USP43: variants seen among roughly 807,000 people sequenced by gnomAD.
The protein encoded by USP43 is ubiquitin specific peptidase 43, also known as ubiquitin carboxyl-terminal hydrolase 43.
Under a neutral mutation model 90.7 loss-of-function variants are expected in USP43, and 33 were observed. The observed-to-expected ratio is 0.36, with a 90% CI of 0.28 to 0.49. The LOEUF (loss-of-function observed/expected upper bound fraction) is 0.49, where lower values mean the gene tolerates loss of function less well. Ranked by LOEUF, USP43 falls within the 20% of genes least tolerant of loss-of-function variation. The probability of loss-of-function intolerance (pLI) is 0.98; values close to 1 mark genes in which losing one functional copy is unlikely to be tolerated. For synonymous variants in USP43, 598 were observed against 615.8 expected (o/e 0.97, Z 0.43); for missense variants, 1,274 against 1,476.4 (o/e 0.86, Z 2.25).
chr17:9,705,684 G>T (rs1191269048), intron 12 of USP43, among the ~76,000 whole-genome samples: 1 of 150,830 alleles, frequency 6.6e-6, no homozygotes, highest in Non-Finnish European at 1.5e-5. Flanking sequence ...GAACCCAGAG[G>T]TGGAGATTGC....
chr17:9,681,202 TATAATATATAC>T, intron 6 of USP43, among the ~76,000 whole-genome samples: 2 of 100,416 alleles, frequency 2.0e-5, no homozygotes, highest in East Asian at 3.6e-4. Context: ...ATATATACTA[TATAATATATAC>T]ATTATATAGA....
chr17:9,671,638 A>T (rs550957250), intron 3 of USP43, among the ~76,000 whole-genome samples: 1 of 152,326 alleles, frequency 6.6e-6, no homozygotes, highest in East Asian at 1.9e-4. Context: ...CTTTGTTAAC[A>T]GAAGCAATTT....
At position 9,728,722 on chromosome 17, in the gene USP43, A is replaced by T. The variant is rs749710746; in HGVS notation, c.3104A>T (p.Asp1035Val). ...AGTGGCGGGCTGAGCCCTGCCATGGACGGGCAGGCTCCAGGCTCACCTCCT... is the reference window on the plus strand; with the variant it reads ...AGTGGCGGGCTGAGCCCTGCCATGGTCGGGCAGGCTCCAGGCTCACCTCCT... ...LVSGGLSPAM[D>V]GQAPGSPPAL... The change falls in exon 15 of 15, where the codon GAC becomes GTC. Residue 1035 changes from aspartate (D) to valine (V), a missense_variant. Asp to Val is a radical substitution (Grantham distance 152). This residue lies in a region of USP43 where 353 missense variants were observed against 329.7 expected (regional missense o/e 1.07). Coordinates refer to ENST00000285199, the MANE Select transcript of USP43 (RefSeq NM_153210.5). This position sits in a 1 kb window ranked among gnomAD's most constrained non-coding sequence, Gnocchi z 6.2. 6 of 1,601,670 alleles carry T rather than the reference A, an allele frequency of 3.7e-6. No individual in the cohort carries two copies. The Admixed American group carries it at 1.0e-4, about 28-fold the overall frequency.
intron 14 of USP43, among the ~76,000 whole-genome samples, chr17:9,715,763 G>A (rs767718555): frequency 3.4e-5 from 5 of 145,106 alleles, no homozygotes; most frequent in African/African-American, 8.2e-5. Flanking sequence ...ATGTGTCTGC[G>A]TGTTTGTGTC....
intron 12 of USP43, among the ~76,000 whole-genome samples, chr17:9,708,214 G>C (rs1915997110): frequency 6.6e-6 from 1 of 152,200 alleles, no homozygotes; most frequent in Admixed American, 6.5e-5. Context: ...TGGAGAAGTG[G>C]GCAGGACACT....
chr17:9,688,797 C>G (rs1386442170), intron 8 of USP43, among the ~76,000 whole-genome samples: 1 of 152,200 alleles, frequency 6.6e-6, no homozygotes, highest in East Asian at 1.9e-4. Flanking sequence ...AGTGATCCTC[C>G]TGCCTCCGCC....
At position 9,712,075 on chromosome 17, in the gene USP43, C is replaced by T. The variant is rs374106462; in HGVS notation, c.2278C>T (p.Leu760=). 1.2e-6 allele frequency: 2 copies of T among 1,611,448 alleles called. No individual in the cohort carries two copies. The highest frequency in any genetic ancestry group is 2.2e-5 in the East Asian group (1 of 44,602). The change falls in exon 14 of 15, where the codon CTG becomes TTG. Residue 760 remains leucine, a synonymous_variant. Coordinates refer to ENST00000285199, the MANE Select transcript of USP43 (RefSeq NM_153210.5). ...CTGGAGCTCTGCCCCCTGCCCCTCC[C>T]TGCCCCAGGTTCCTGACTCTCCCAT... ...LSWSSAPCPS[L]PQVPDSPIFT...
At chr17:9,698,036 A>T (rs748857523) in intron 9 of USP43, among the ~76,000 whole-genome samples, 19 of 152,194 alleles carry the variant, frequency 1.2e-4, no homozygotes, top group Non-Finnish European at 4.4e-5. Context: ...CCATCTGCTG[A>T]TGTGAGATGG....
At chr17:9,659,820 G>T (rs1256828010) in intron 2 of USP43, among the ~76,000 whole-genome samples, 1 of 152,026 alleles carries the variant, frequency 6.6e-6, no homozygotes, top group Non-Finnish European at 1.5e-5. Flanking sequence ...TCTGTAACAG[G>T]GTTCCTTAAC....
chr17:9,707,563 C>T (rs1246635118), intron 12 of USP43, among the ~76,000 whole-genome samples: 2 of 148,600 alleles, frequency 1.3e-5, no homozygotes, highest in South Asian at 2.1e-4. Flanking sequence ...AGGAGAATGG[C>T]GTGAACCCGG....
intron 6 of USP43, among the ~76,000 whole-genome samples, chr17:9,681,462 T>TTA (rs1184883523): frequency 0.036 from 659 of 18,280 alleles, 18 homozygotes; most frequent in Middle Eastern, 0.083. Context: ...ATAAAATATA[T>TTA]TATATATATA....
chr17:9,649,741 G>A (rs1235712833), intron 1 of USP43, among the ~76,000 whole-genome samples: 1 of 148,612 alleles, frequency 6.7e-6, no homozygotes, highest in East Asian at 2.0e-4. Context: ...TTAACCCCTA[G>A]AGATAACCAT....
chr17:9,719,145 C>T lies in USP43; in HGVS notation c.2335+7013C>T, dbSNP rs528542740. 8.5e-5 allele frequency among the ~76,000 whole-genome samples: 13 copies of T among 152,222 alleles called. No homozygotes were observed. In the South Asian group the frequency reaches 1.9e-3, roughly 22 times the overall value. On this transcript the variant is annotated intron_variant, in intron 14 of 14. Transcript: ENST00000285199. ...CTCCGTGTCCAAAAAAAAGTCTCTA[C>T]AACAAAAAAGATGTTCTTTCTCAAG...
At chr17:9,689,574 G>T (rs1054025869) in intron 8 of USP43, among the ~76,000 whole-genome samples, 1 of 151,994 alleles carries the variant, frequency 6.6e-6, no homozygotes, top group Non-Finnish European at 1.5e-5. Context: ...ATCATGCCTG[G>T]TTAATTATTT....
intron 7 of USP43, among the ~76,000 whole-genome samples, chr17:9,685,694 T>A (rs1263533301): frequency 6.6e-6 from 1 of 152,222 alleles, no homozygotes; most frequent in Non-Finnish European, 1.5e-5. Context: ...AATCGACACA[T>A]AATTGTACAT....
Position 9,680,351 on chromosome 17 carries a change from C to A in USP43, c.1090C>A (p.Gln364Lys). The change falls in exon 6 of 15, where the codon CAG becomes AAG. Residue 364 changes from glutamine (Q) to lysine (K), a missense_variant. Gln to Lys is a moderately conservative substitution (Grantham distance 53). Transcript: ENST00000285199. ...CTTTCAAGTTCCTCCCTCACCCAGCCAGGGGACTCTCTCAGGTATAACAGG... is the reference window on the plus strand; with the variant it reads ...CTTTCAAGTTCCTCCCTCACCCAGCAAGGGGACTCTCTCAGGTATAACAGG... ...YAFQVPPSPSQGTLSAHPLGL... is the reference protein window; with the variant it reads ...YAFQVPPSPSKGTLSAHPLGL... 2 of 1,613,846 alleles carry A rather than the reference C, an allele frequency of 1.2e-6. No homozygotes were observed. Among genetic ancestry groups the A allele is most frequent in the Non-Finnish European group, 1.7e-6 (2 of 1,179,812 alleles).
rs769118086 is a variant in USP43, at chr17:9,676,890, G to A, written c.969+9G>A. The A allele has an allele frequency of 1.2e-6, 2 of 1,612,672 alleles. No individual in the cohort carries two copies. Among genetic ancestry groups the A allele is most frequent in the East Asian group, 4.5e-5 (2 of 44,860 alleles). ...GCGTCCCTGCAGATGAGGTGTGATAGAATTGCACTGGGGCCTGGTCATTGG... is the reference window on the plus strand; with the variant it reads ...GCGTCCCTGCAGATGAGGTGTGATAAAATTGCACTGGGGCCTGGTCATTGG... On this transcript the variant is annotated intron_variant, in intron 5 of 14. Transcript: ENST00000285199.
chr17:9,646,113 C>T lies in USP43; in HGVS notation c.481C>T (p.Pro161Ser), dbSNP rs912702235. Residue 161 changes from proline to serine, a missense_variant, in exon 1 of 15, where the codon CCC becomes TCC. This residue lies in a region of USP43 where 259 missense variants were observed against 373.7 expected (regional missense o/e 0.69). Coordinates refer to ENST00000285199, the MANE Select transcript of USP43 (RefSeq NM_153210.5). ...VRALWTREYT[P>S]QLSAEFKNAV... ...CGCGCTCTGGACTCGCGAATACACG[C>T]CCCAACTTTCCGCGGAGTTCAAGGT... 18 of 1,484,948 alleles carry T rather than the reference C, an allele frequency of 1.2e-5. No individual in the cohort carries two copies. The highest frequency in any genetic ancestry group is 1.4e-5 in the Non-Finnish European group (16 of 1,119,294). 92.0% of individuals were successfully genotyped at this position (1,484,948 alleles called of 1,614,324 possible).
chr17:9,697,750 C>G (rs745371369), intron 9 of USP43, among the ~76,000 whole-genome samples: 3 of 151,824 alleles, frequency 2.0e-5, no homozygotes, highest in Admixed American at 6.6e-5. Flanking sequence ...GATGGATACC[C>G]GGGTTGACTC....
Sources: allele counts gnomAD v4.1 joint callset (sites outside exome capture counted in the v4.1 genomes callset), GRCh38; gene constraint gnomAD v4.1.1; regional missense constraint gnomAD v4.1.1; non-coding constraint Gnocchi (gnomAD v3.1); transcripts MANE v1.5; gene names NCBI Gene and HGNC (gene_info 2026-07-23, HGNC 2026-07-21).